PTPRD: variants seen among roughly 807,000 people sequenced by gnomAD.
PTPRD encodes protein tyrosine phosphatase receptor type D, also known as receptor-type tyrosine-protein phosphatase delta.
In PTPRD, 34 loss-of-function variants were observed where a neutral mutation model predicts 214.5. The observed-to-expected ratio is 0.16, with a 90% CI of 0.12 to 0.21. PTPRD has a LOEUF of 0.21. PTPRD is among the 10% of genes least tolerant of loss of function. The pLI, the probability that PTPRD is intolerant of heterozygous loss-of-function variation, is 1.00. For missense variants in PTPRD, 2,545 were observed against 2,398.7 expected, an observed-to-expected ratio of 1.06 and a Z score of -1.27; for synonymous variants, 1,128 against 845.7, an observed-to-expected ratio of 1.33 and a Z score of -5.79.
At position 10,568,073 on chromosome 9, in the gene PTPRD, G is replaced by A. The variant is rs539497791; in HGVS notation, c.-600+44325C>T. 3.8e-4 allele frequency among the ~76,000 whole-genome samples: 57 copies of A among 150,644 alleles called. 1 individual carries two copies. The highest frequency in any genetic ancestry group is 1.2e-3 in the African/African-American group (49 of 41,002). On this transcript the variant is annotated intron_variant, in intron 2 of 45. Coordinates refer to ENST00000381196, the MANE Select transcript of PTPRD (RefSeq NM_002839.4). ...GTTGGTGTGCTGCACCCATTAACTC[G>A]TCATTTAGCATTAGGTATATCTCCT...
intron 9 of PTPRD, among the ~76,000 whole-genome samples, chr9:9,302,373 T>C (rs920669712): frequency 4.0e-5 from 6 of 151,884 alleles, no homozygotes; most frequent in African/African-American, 1.2e-4. Context: ...TAGGCAGCTC[T>C]CTTTGATAAT....
At chr9:9,901,239 T>C (rs994254609) in intron 5 of PTPRD, among the ~76,000 whole-genome samples, 2 of 152,192 alleles carry the variant, frequency 1.3e-5, no homozygotes, top group African/African-American at 4.8e-5. Context: ...TAGCATACAA[T>C]ATTTTTAAAG....
At chr9:8,929,557 T>A (rs1020667378) in intron 11 of PTPRD, among the ~76,000 whole-genome samples, 2 of 151,842 alleles carry the variant, frequency 1.3e-5, no homozygotes, top group African/African-American at 4.8e-5. Flanking sequence ...TCGTGGTAGA[T>A]AAGCTTTTTG....
At chr9:8,776,813 T>A (rs998889582) in intron 11 of PTPRD, among the ~76,000 whole-genome samples, 17 of 147,506 alleles carry the variant, frequency 1.2e-4, no homozygotes, top group Non-Finnish European at 2.4e-4. Context: ...TATATATGTA[T>A]AATATATAAA....
intron 3 of PTPRD, among the ~76,000 whole-genome samples, chr9:10,323,897 T>C (rs2096598836): frequency 6.6e-6 from 1 of 151,996 alleles, no homozygotes; most frequent in Non-Finnish European, 1.5e-5. Flanking sequence ...GACAAGCTAT[T>C]GAGGGACAGA....
At chr9:8,396,040 T>C (rs1015664980) in intron 36 of PTPRD, among the ~76,000 whole-genome samples, 1 of 152,014 alleles carries the variant, frequency 6.6e-6, no homozygotes, top group African/African-American at 2.4e-5. Context: ...GCAATTATTA[T>C]AGAGGTTCAT....
chr9:9,589,394 C>T (rs2092468928), intron 7 of PTPRD, among the ~76,000 whole-genome samples: 1 of 151,550 alleles, frequency 6.6e-6, no homozygotes, highest in Non-Finnish European at 1.5e-5. Context: ...GTGGCATGTT[C>T]TCTCTTTCTC....
intron 11 of PTPRD, among the ~76,000 whole-genome samples, chr9:8,771,728 C>A (rs1008868487): frequency 2.0e-5 from 3 of 151,882 alleles, no homozygotes; most frequent in Non-Finnish European, 4.4e-5. Context: ...TTTCAAATTG[C>A]ATGCACGTAT....
intron 11 of PTPRD, among the ~76,000 whole-genome samples, chr9:8,898,554 T>C (rs531944009): frequency 6.6e-6 from 1 of 152,224 alleles, no homozygotes; most frequent in Non-Finnish European, 1.5e-5. Flanking sequence ...ACATTTTACA[T>C]ATATAAAATA....
intron 8 of PTPRD, among the ~76,000 whole-genome samples, chr9:9,453,138 T>C (rs978053324): frequency 6.6e-6 from 1 of 151,274 alleles, no homozygotes; most frequent in Non-Finnish European, 1.5e-5. Flanking sequence ...AACAAGACTT[T>C]CAACGCCCCC....
At chr9:8,373,401 T>C (rs1195883591) in intron 39 of PTPRD, among the ~76,000 whole-genome samples, 1 of 152,030 alleles carries the variant, frequency 6.6e-6, no homozygotes, top group Non-Finnish European at 1.5e-5. Flanking sequence ...CTTTCCCTCA[T>C]TGTTTCGAAG....
intron 18 of PTPRD, among the ~76,000 whole-genome samples, chr9:8,524,236 T>C (rs1200539981): frequency 1.3e-5 from 2 of 152,202 alleles, no homozygotes; most frequent in Admixed American, 6.5e-5. Context: ...TTCATTCTTG[T>C]CTCAAGGACA....
intron 12 of PTPRD, among the ~76,000 whole-genome samples, chr9:8,659,927 G>C (rs536313529): frequency 2.0e-5 from 3 of 150,870 alleles, no homozygotes; most frequent in Middle Eastern, 3.5e-3. Context: ...AATAAATGTA[G>C]AGAGAGAGAG....
At chr9:9,335,024 T>C (rs984648339) in intron 9 of PTPRD, among the ~76,000 whole-genome samples, 2 of 152,040 alleles carry the variant, frequency 1.3e-5, no homozygotes, top group African/African-American at 4.8e-5. Flanking sequence ...AAGCAAAGAC[T>C]TCACCTGTCT....
At chr9:10,550,352 G>A (rs539428939) in intron 2 of PTPRD, among the ~76,000 whole-genome samples, 25 of 152,306 alleles carry the variant, frequency 1.6e-4, no homozygotes, top group Admixed American at 5.9e-4. Context: ...ATGCTGAGGT[G>A]TAATTTGGAT....
intron 9 of PTPRD, among the ~76,000 whole-genome samples, chr9:9,201,513 T>C (rs1296020823): frequency 3.9e-5 from 6 of 152,078 alleles, no homozygotes; most frequent in Non-Finnish European, 1.5e-5. Flanking sequence ...TAGGATAGGA[T>C]AGGACATACA....
intron 4 of PTPRD, among the ~76,000 whole-genome samples, chr9:9,985,608 G>C (rs899797096): frequency 6.6e-6 from 1 of 151,774 alleles, no homozygotes; most frequent in African/African-American, 2.4e-5. Context: ...ATAATAAAAG[G>C]AACTTTAAAT....
At chr9:8,347,546 G>T (rs1197065254) in intron 39 of PTPRD, among the ~76,000 whole-genome samples, 1 of 152,128 alleles carries the variant, frequency 6.6e-6, no homozygotes, top group African/African-American at 2.4e-5. Context: ...AAGGATGCTG[G>T]TAGAGCACCT....
intron 2 of PTPRD, among the ~76,000 whole-genome samples, chr9:10,423,100 A>G (rs867738837): frequency 5.9e-5 from 9 of 152,126 alleles, no homozygotes; most frequent in African/African-American, 2.2e-4. Context: ...CGTGGCACAT[A>G]TACACCATGG....
Sources: gnomAD v4.1 joint callset for allele counts (sites outside exome capture counted in the v4.1 genomes callset) on GRCh38, gnomAD v4.1.1 for gene constraint, MANE v1.5 for transcripts, NCBI Gene and HGNC (gene_info 2026-07-23, HGNC 2026-07-21) for gene names.